SLC12A8: variants seen among roughly 807,000 people sequenced by gnomAD.
SLC12A8 encodes solute carrier family 12 member 8.
In SLC12A8, 69 loss-of-function variants were observed where a neutral mutation model predicts 75.6. The ratio of observed to expected loss-of-function variants is 0.91; its 90% CI spans 0.75 to 1.11. SLC12A8 has a LOEUF of 1.11. Among genes scored for constraint, SLC12A8 ranks in the 50% most tolerant of loss-of-function variants. The probability of loss-of-function intolerance (pLI) is 0.00; values close to 1 mark genes in which losing one functional copy is unlikely to be tolerated. For synonymous variants in SLC12A8, 365 were observed against 372.8 expected, an observed-to-expected ratio of 0.98 and a Z score of 0.24; for missense variants, 877 against 896.7, an observed-to-expected ratio of 0.98 and a Z score of 0.28.
In SLC12A8 at chr3:125,103,229, T is replaced by G. The variant is rs548931953; in HGVS notation, c.1705+4252A>C. Among the ~76,000 whole-genome samples, 115 of 152,146 alleles carry G rather than the reference T, an allele frequency of 7.6e-4. 1 individual carries two copies. Among genetic ancestry groups the G allele is most frequent in the African/African-American group, 2.7e-3 (113 of 41,502 alleles). On this transcript the variant is annotated intron_variant, in intron 10 of 13. Transcript: ENST00000469902. ...CCTCTCCAACTCACTCACCTCATCC[T>G]GTTCCCAGAATGCCCGTACCTATCT...
At chr3:125,212,391 C>T (rs1935354138) in intron 1 of SLC12A8, among the ~76,000 whole-genome samples, 1 of 152,012 alleles carries the variant, frequency 6.6e-6, no homozygotes, top group Non-Finnish European at 1.5e-5. Context: ...CGCCGCCCCG[C>T]GGCCTCCGCA....
intron 2 of SLC12A8, among the ~76,000 whole-genome samples, chr3:125,207,692 T>C (rs1389640925): frequency 6.6e-6 from 1 of 152,164 alleles, no homozygotes; most frequent in Non-Finnish European, 1.5e-5. Flanking sequence ...AACGCAGTCT[T>C]CCTGAAACAC....
At chr3:125,118,618 G>A in intron 8 of SLC12A8, 151 bp downstream of exon 8, 1 of 572,906 alleles carries the variant, frequency 1.7e-6, no homozygotes, top group South Asian at 2.2e-5. Flanking sequence ...AACAGAGTGA[G>A]ACCCTGTCTC....
intron 2 of SLC12A8, among the ~76,000 whole-genome samples, chr3:125,192,240 T>A (rs2107797216): frequency 6.6e-6 from 1 of 152,204 alleles, no homozygotes; most frequent in South Asian, 2.1e-4. Flanking sequence ...GCTCTGCTCC[T>A]CACGGCAGCC....
chr3:125,089,172 T>G (rs1205870831), intron 12 of SLC12A8, among the ~76,000 whole-genome samples: 2 of 152,202 alleles, frequency 1.3e-5, no homozygotes, highest in South Asian at 4.1e-4. Context: ...TGTTAAAATC[T>G]CCACAAATAT....
chr3:125,149,402 T>C (rs1016277361), intron 5 of SLC12A8, among the ~76,000 whole-genome samples: 3 of 152,100 alleles, frequency 2.0e-5, no homozygotes, highest in Non-Finnish European at 2.9e-5. Flanking sequence ...TTTTTCTTCA[T>C]CAGAATCAAT....
In SLC12A8 at chr3:125,176,153, A is replaced by G. The variant is rs902598464; in HGVS notation, c.622+1590T>C. Reference sequence around the variant, plus strand: ...GGAAAAGCAGAGTTGCTGTCACAAAAAGACAGCATATCATCGTGCAAAAAC... The same window carrying G: ...GGAAAAGCAGAGTTGCTGTCACAAAGAGACAGCATATCATCGTGCAAAAAC... On this transcript the variant is annotated intron_variant, in intron 5 of 13. Transcript: ENST00000469902. 5.9e-5 allele frequency among the ~76,000 whole-genome samples: 9 copies of G among 152,150 alleles called. No individual in the cohort carries two copies. In the East Asian group the frequency reaches 1.7e-3, roughly 29 times the overall value.
Position 125,110,196 on chromosome 3 carries a change from C to G in SLC12A8, c.1052G>C (p.Gly351Ala), listed in dbSNP as rs753125845. ...AAAAAGAGGATTACTCACCCCTTGT[C>G]CCAGACAGGCAAGTGCAGGGATCAC... ...EKVIPALACLGQGKGPNKTPV... is the reference protein window; with the variant it reads ...EKVIPALACLAQGKGPNKTPV... Residue 351 changes from glycine to alanine, a missense_variant, in exon 9 of 14, where the codon GGA becomes GCA. Coordinates refer to ENST00000469902, the MANE Select transcript of SLC12A8 (RefSeq NM_024628.6). The G allele has an allele frequency of 1.9e-6, 3 of 1,612,572 alleles. No homozygotes were observed.
chr3:125,194,695 T>A (rs1363056842), intron 2 of SLC12A8, among the ~76,000 whole-genome samples: 1 of 152,212 alleles, frequency 6.6e-6, no homozygotes, highest in Non-Finnish European at 1.5e-5. Flanking sequence ...GGTGAGAAAT[T>A]CTGCTTCTGT....
At chr3:125,143,305 G>C (rs1027346350) in intron 5 of SLC12A8, among the ~76,000 whole-genome samples, 1 of 152,232 alleles carries the variant, frequency 6.6e-6, no homozygotes, top group African/African-American at 2.4e-5. Context: ...CGGCTGTATT[G>C]CGTTGGACTG....
At chr3:125,139,624 G>C (rs969057155) in intron 5 of SLC12A8, among the ~76,000 whole-genome samples, 1 of 152,186 alleles carries the variant, frequency 6.6e-6, no homozygotes, top group Non-Finnish European at 1.5e-5. Context: ...CAGACCTCAG[G>C]CATGGTTGAC....
chr3:125,116,178 G>A (rs545183742), intron 8 of SLC12A8, among the ~76,000 whole-genome samples: 1 of 152,296 alleles, frequency 6.6e-6, no homozygotes, highest in Admixed American at 6.5e-5. Flanking sequence ...GTGGGTAGTG[G>A]GAACCAGAAG....
chr3:125,106,643 G>A (rs964161285), intron 10 of SLC12A8, among the ~76,000 whole-genome samples: 1 of 152,054 alleles, frequency 6.6e-6, no homozygotes, highest in Non-Finnish European at 1.5e-5. Flanking sequence ...GAGCCACCGC[G>A]CCCGGCCAAA....
intron 5 of SLC12A8, among the ~76,000 whole-genome samples, chr3:125,158,318 T>G (rs980393875): frequency 2.0e-5 from 3 of 152,070 alleles, no homozygotes; most frequent in African/African-American, 7.2e-5. Context: ...CCTCCCAGGT[T>G]CAAGCAATTC....
intron 10 of SLC12A8, among the ~76,000 whole-genome samples, chr3:125,105,754 G>A (rs553174374): frequency 6.6e-6 from 1 of 152,196 alleles, no homozygotes; most frequent in African/African-American, 2.4e-5. Flanking sequence ...TCCAGGCAGG[G>A]TGTGGTGGCT....
At position 125,166,097 on chromosome 3, in the gene SLC12A8, C is replaced by G. The variant is rs535609911; in HGVS notation, c.622+11646G>C. ...TGCCCAAGCGTTTCGCCCAGCCCAC[C>G]GCTTCTCCTGCTCCCATGCTGCGGG... is the stretch of plus-strand genomic sequence containing the variant. On this transcript the variant is annotated intron_variant, in intron 5 of 13. Transcript: ENST00000469902. 2.0e-4 allele frequency among the ~76,000 whole-genome samples: 30 copies of G among 152,316 alleles called. 1 individual carries two copies. The highest frequency in any genetic ancestry group is 7.0e-4 in the African/African-American group (29 of 41,572).
chr3:125,094,365 T>C (rs1276210254), intron 10 of SLC12A8, among the ~76,000 whole-genome samples: 1 of 152,196 alleles, frequency 6.6e-6, no homozygotes, highest in Non-Finnish European at 1.5e-5. Context: ...CCTAGGCAAC[T>C]CATCCTCCTA....
At chr3:125,199,026 C>G (rs1452528010) in intron 2 of SLC12A8, among the ~76,000 whole-genome samples, 1 of 152,114 alleles carries the variant, frequency 6.6e-6, no homozygotes, top group Non-Finnish European at 1.5e-5. Context: ...GATCCACCCT[C>G]CTTGGCCTCC....
chr3:125,085,723 T>C (rs140822538), intron 13 of SLC12A8, among the ~76,000 whole-genome samples: 2,625 of 151,900 alleles, frequency 0.017, 62 homozygotes, highest in Admixed American at 0.049. Flanking sequence ...ATTACAGGTG[T>C]GCACCACCAC....
Sources: gnomAD v4.1 joint callset for allele counts (sites outside exome capture counted in the v4.1 genomes callset) on GRCh38, gnomAD v4.1.1 for gene constraint, MANE v1.5 for transcripts, NCBI Gene and HGNC (gene_info 2026-07-23, HGNC 2026-07-21) for gene names.